Variants in FSTL5 observed in about 807,000 individuals in gnomAD.
FSTL5 encodes the protein follistatin-related protein 5.
Under a neutral mutation model 89.1 loss-of-function variants are expected in FSTL5, and 62 were observed. That is an observed-to-expected ratio of 0.70 (90% CI 0.57 to 0.86). The LOEUF (loss-of-function observed/expected upper bound fraction) is 0.86. FSTL5 is among the 40% of genes least tolerant of loss of function. The probability of loss-of-function intolerance (pLI) is 0.00; values close to 1 mark genes in which losing one functional copy is unlikely to be tolerated. For synonymous variants in FSTL5, 383 were observed against 346.2 expected (o/e 1.11, Z -1.18); for missense variants, 1,057 against 1,001.6 (o/e 1.06, Z -0.75).
intron 12 of FSTL5, among the ~76,000 whole-genome samples, chr4:161,495,821 A>G (rs1362443572): frequency 1.3e-5 from 2 of 152,104 alleles, no homozygotes; most frequent in Admixed American, 6.6e-5. Context: ...CATGGGAAAA[A>G]TGGTTCCAAA....
chr4:161,971,255 G>T (rs533830026), intron 3 of FSTL5, among the ~76,000 whole-genome samples: 1 of 152,002 alleles, frequency 6.6e-6, no homozygotes, highest in Non-Finnish European at 1.5e-5. Context: ...CACACTGAAC[G>T]CTATAAAACT....
intron 3 of FSTL5, among the ~76,000 whole-genome samples, chr4:161,971,306 T>G (rs544308858): frequency 2.6e-5 from 4 of 152,176 alleles, no homozygotes; most frequent in Non-Finnish European, 5.9e-5. Flanking sequence ...TATTAGAATT[T>G]TTATATGGTT....
intron 7 of FSTL5, among the ~76,000 whole-genome samples, chr4:161,594,768 C>T (rs1733952881): frequency 6.6e-6 from 1 of 151,656 alleles, no homozygotes; most frequent in South Asian, 2.1e-4. Context: ...AAAGCATAGA[C>T]CTTTTCAATA....
chr4:162,092,746 C>G (rs11100411), intron 2 of FSTL5, among the ~76,000 whole-genome samples: 1 of 151,486 alleles, frequency 6.6e-6, no homozygotes. Context: ...GTCAGGAGTT[C>G]GAGATCAGCC....
At chr4:161,454,334 T>C (rs973585768) in intron 15 of FSTL5, among the ~76,000 whole-genome samples, 3 of 152,192 alleles carry the variant, frequency 2.0e-5, no homozygotes, top group African/African-American at 7.2e-5. Context: ...CTAAATATCA[T>C]GATATCCCAA....
At chr4:161,632,230 ATTAG>A (rs1252234793) in intron 7 of FSTL5, among the ~76,000 whole-genome samples, 1 of 151,996 alleles carries the variant, frequency 6.6e-6, no homozygotes, top group African/African-American at 2.4e-5. Flanking sequence ...AATACAAAAA[ATTAG>A]TTGGGTGTGG....
At chr4:162,097,278 T>C (rs1379359195) in intron 2 of FSTL5, among the ~76,000 whole-genome samples, 1 of 151,726 alleles carries the variant, frequency 6.6e-6, no homozygotes. Flanking sequence ...CATTTTTTTT[T>C]AGCAATGAAA....
At chr4:161,593,695 T>C (rs1308978220) in intron 7 of FSTL5, among the ~76,000 whole-genome samples, 3 of 152,082 alleles carry the variant, frequency 2.0e-5, no homozygotes, top group African/African-American at 7.2e-5. Flanking sequence ...CTCAATATCA[T>C]ATTATATACG....
At chr4:161,829,785 C>T (rs1730786190) in intron 4 of FSTL5, among the ~76,000 whole-genome samples, 1 of 152,036 alleles carries the variant, frequency 6.6e-6, no homozygotes, top group South Asian at 2.1e-4. Flanking sequence ...TTGCCACCTG[C>T]CTTTACACAA....
At chr4:161,529,265 G>T (rs1260121995) in intron 10 of FSTL5, among the ~76,000 whole-genome samples, 1 of 141,578 alleles carries the variant, frequency 7.1e-6, no homozygotes, top group Non-Finnish European at 1.5e-5. Context: ...ATATTGAAGG[G>T]TATTATTTTA....
chr4:161,573,287 G>A (rs1733085599), intron 8 of FSTL5, among the ~76,000 whole-genome samples: 1 of 151,902 alleles, frequency 6.6e-6, no homozygotes. Flanking sequence ...GCACATGCCT[G>A]TAGTCCCTGC....
chr4:162,026,304 C>CTTTATTTTTTTTTTTTTTTTTT (rs1737281523), intron 3 of FSTL5, among the ~76,000 whole-genome samples: 1 of 79,474 alleles, frequency 1.3e-5, no homozygotes, highest in Non-Finnish European at 2.2e-5. Flanking sequence ...TATGTATTTT[C>CTTTATTTTTTTTTTTTTTTTTT]TTTTTTTTTT....
chr4:161,931,395 T>C (rs865973786), intron 3 of FSTL5, among the ~76,000 whole-genome samples: 1 of 151,728 alleles, frequency 6.6e-6, no homozygotes, highest in Non-Finnish European at 1.5e-5. Context: ...ATAGTATAAG[T>C]TGGAAAGAGA....
intron 2 of FSTL5, among the ~76,000 whole-genome samples, chr4:162,083,003 T>G (rs1246705373): frequency 6.6e-6 from 1 of 151,686 alleles, no homozygotes; most frequent in Non-Finnish European, 1.5e-5. Flanking sequence ...TACTGAGATT[T>G]TATAAGCTTG....
intron 8 of FSTL5, among the ~76,000 whole-genome samples, chr4:161,543,960 C>A (rs1288099208): frequency 6.6e-6 from 1 of 151,550 alleles, no homozygotes; most frequent in Non-Finnish European, 1.5e-5. Context: ...ACACAACCCA[C>A]AAAATAGGAA....
intron 4 of FSTL5, among the ~76,000 whole-genome samples, chr4:161,905,760 GATT>G (rs1733505313): frequency 6.6e-6 from 1 of 152,034 alleles, no homozygotes; most frequent in Non-Finnish European, 1.5e-5. Context: ...TTGTGAGAAC[GATT>G]TCTTTTGACC....
intron 9 of FSTL5, among the ~76,000 whole-genome samples, chr4:161,540,233 T>G (rs558468794): frequency 3.9e-5 from 6 of 152,306 alleles, no homozygotes; most frequent in African/African-American, 1.4e-4. Context: ...GTTATAAGAC[T>G]ATTGCATAAG....
chr4:161,841,314 C>T (rs1289338217), intron 4 of FSTL5, among the ~76,000 whole-genome samples: 1 of 152,104 alleles, frequency 6.6e-6, no homozygotes, highest in Non-Finnish European at 1.5e-5. Context: ...AATTTCTTAG[C>T]CATGTCTCAT....
At chr4:161,625,686 G>T (rs745354750) in intron 7 of FSTL5, among the ~76,000 whole-genome samples, 1 of 152,080 alleles carries the variant, frequency 6.6e-6, no homozygotes. Flanking sequence ...AACTAGAAAT[G>T]ATGAAGGTAA....
Sources: allele counts gnomAD v4.1 joint callset (sites outside exome capture counted in the v4.1 genomes callset), GRCh38; gene constraint gnomAD v4.1.1; transcripts MANE v1.5; gene names NCBI Gene and HGNC (gene_info 2026-07-23, HGNC 2026-07-21).